Variants in COL25A1 observed in about 807,000 individuals in gnomAD.
The protein encoded by COL25A1 is collagen alpha-1(XXV) chain.
A neutral mutation model predicts 128.4 loss-of-function variants in COL25A1; 103 were observed. The observed-to-expected ratio is 0.80, with a 90% CI of 0.68 to 0.94. The LOEUF (loss-of-function observed/expected upper bound fraction) is 0.94. Among genes scored for constraint, COL25A1 ranks in the 40% least tolerant of loss-of-function variants. The probability of loss-of-function intolerance (pLI) is 0.00; values close to 1 mark genes in which losing one functional copy is unlikely to be tolerated. For missense variants in COL25A1, 745 were observed against 840.0 expected (o/e 0.89, Z 1.40); for synonymous variants, 279 against 277.2 (o/e 1.01, Z -0.06).
intron 3 of COL25A1, among the ~76,000 whole-genome samples, chr4:109,239,145 A>G (rs2126228900): frequency 6.6e-6 from 1 of 152,016 alleles, no homozygotes; most frequent in East Asian, 1.9e-4. Context: ...CTTTTGTTTA[A>G]TGATGGGGAT....
intron 11 of COL25A1, among the ~76,000 whole-genome samples, chr4:108,933,033 T>C (rs545171892): frequency 1.4e-3 from 206 of 152,360 alleles, no homozygotes; most frequent in Non-Finnish European, 1.6e-3. Context: ...AATAGATGCA[T>C]GGCAGGATTA....
intron 8 of COL25A1, among the ~76,000 whole-genome samples, chr4:108,958,171 G>A (rs1214668879): frequency 6.6e-6 from 1 of 151,854 alleles, no homozygotes; most frequent in Admixed American, 6.6e-5. Context: ...AAATAATACT[G>A]ACCCAAATCA....
intron 8 of COL25A1, among the ~76,000 whole-genome samples, chr4:108,960,970 C>T (rs1459124968): frequency 6.6e-6 from 1 of 152,030 alleles, no homozygotes; most frequent in Non-Finnish European, 1.5e-5. Context: ...TTTACATTCT[C>T]TTTAATCCTG....
intron 3 of COL25A1, among the ~76,000 whole-genome samples, chr4:109,051,616 T>TACACACACACACACAC (rs757614145): frequency 2.0e-4 from 23 of 112,428 alleles, no homozygotes; most frequent in South Asian, 1.2e-3. Context: ...CAAACACACA[T>TACACACACACACACAC]ACATACACAC....
chr4:109,278,317 G>C (rs1313800861), intron 3 of COL25A1, among the ~76,000 whole-genome samples: 1 of 152,066 alleles, frequency 6.6e-6, no homozygotes, highest in East Asian at 1.9e-4. Flanking sequence ...TATATCCTTT[G>C]TCTGGCATTC....
At chr4:109,244,803 A>C (rs965386313) in intron 3 of COL25A1, among the ~76,000 whole-genome samples, 1 of 152,182 alleles carries the variant, frequency 6.6e-6, no homozygotes, top group Non-Finnish European at 1.5e-5. Flanking sequence ...AAGGGCATGA[A>C]GCAAATCTTT....
At chr4:109,193,250 T>A (rs962389237) in intron 3 of COL25A1, among the ~76,000 whole-genome samples, 1 of 152,020 alleles carries the variant, frequency 6.6e-6, no homozygotes, top group African/African-American at 2.4e-5. Flanking sequence ...ACAGTAGCAA[T>A]TCAGCCAACT....
intron 3 of COL25A1, among the ~76,000 whole-genome samples, chr4:109,095,476 T>C (rs530850576): frequency 2.6e-5 from 4 of 152,324 alleles, no homozygotes; most frequent in South Asian, 2.1e-4. Context: ...CAGAAATGAA[T>C]AGGGACTGTG....
At chr4:108,836,496 A>G (rs1269634634) in intron 31 of COL25A1, among the ~76,000 whole-genome samples, 1 of 152,110 alleles carries the variant, frequency 6.6e-6, no homozygotes, top group Admixed American at 6.6e-5. Flanking sequence ...CATGAGTTAG[A>G]GATCAGCGTG....
chr4:109,158,683 A>C (rs1296819686), intron 3 of COL25A1, among the ~76,000 whole-genome samples: 1 of 152,236 alleles, frequency 6.6e-6, no homozygotes, highest in African/African-American at 2.4e-5. Flanking sequence ...AGCTATGTAC[A>C]TGGTACTGTG....
At chr4:109,235,918 C>T (rs1335536534) in intron 3 of COL25A1, among the ~76,000 whole-genome samples, 1 of 152,072 alleles carries the variant, frequency 6.6e-6, no homozygotes, top group East Asian at 1.9e-4. Flanking sequence ...GGGCAGTTAG[C>T]TCTAGGTGGA....
chr4:109,071,505 C>T (rs138012526), intron 3 of COL25A1, among the ~76,000 whole-genome samples: 17,562 of 152,086 alleles, frequency 0.12, 1,307 homozygotes, highest in African/African-American at 0.21. Context: ...TCAGAGTGAA[C>T]AGGCAACCTA....
chr4:109,152,276 G>A (rs1277634727), intron 3 of COL25A1, among the ~76,000 whole-genome samples: 1 of 152,146 alleles, frequency 6.6e-6, no homozygotes, highest in Non-Finnish European at 1.5e-5. Flanking sequence ...AATACAGTAA[G>A]TGGAGTTCAA....
At chr4:108,832,561 G>C (rs1044113110) in intron 31 of COL25A1, 128 bp from the exon 32 acceptor site, 5 of 610,188 alleles carry the variant, frequency 8.2e-6, no homozygotes, top group Non-Finnish European at 1.4e-5. Flanking sequence ...CTTTCAAAGT[G>C]CTTTATGCTT....
At position 108,889,240 on chromosome 4, in the gene COL25A1, G is replaced by T. The variant is rs1176768200; in HGVS notation, c.956C>A (p.Ser319Tyr). The change falls in exon 18 of 38, where the codon TCT becomes TAT. Residue 319 changes from serine (S) to tyrosine (Y), a missense_variant. This residue lies in a region of COL25A1 where 387 missense variants were observed against 441.9 expected (regional missense o/e 0.88). Coordinates refer to ENST00000399132, the MANE Select transcript of COL25A1 (RefSeq NM_198721.4). ...AAGIKGEPGE[S>Y]GRPGQKGEPG... ...TATTACCTTTTGCCCTGGACGACCA[G>T]ATTCCCCAGGTTCTCCCTGGCCAAA... 6.8e-6 allele frequency: 11 copies of T among 1,613,692 alleles called. No homozygotes were observed. The highest frequency in any genetic ancestry group is 8.5e-6 in the Non-Finnish European group (10 of 1,179,658).
intron 37 of COL25A1, 121 bp from the exon 38 acceptor site, chr4:108,814,050 G>C (rs983959256): frequency 4.0e-6 from 3 of 745,302 alleles, no homozygotes; most frequent in Non-Finnish European, 6.9e-6. Flanking sequence ...TAAGCCAACT[G>C]ACTGGCTATC....
chr4:109,208,742 A>G (rs1578442470), intron 3 of COL25A1, among the ~76,000 whole-genome samples: 1 of 152,312 alleles, frequency 6.6e-6, no homozygotes, highest in African/African-American at 2.4e-5. Flanking sequence ...TAACTTTCCT[A>G]TATCTTACCA....
At chr4:109,181,284 A>G (rs1386845690) in intron 3 of COL25A1, among the ~76,000 whole-genome samples, 1 of 152,142 alleles carries the variant, frequency 6.6e-6, no homozygotes, top group African/African-American at 2.4e-5. Flanking sequence ...ACTTACACGT[A>G]TCTTTTACAT....
chr4:109,237,124 C>T (rs1462666674), intron 3 of COL25A1, among the ~76,000 whole-genome samples: 2 of 152,018 alleles, frequency 1.3e-5, no homozygotes, highest in Non-Finnish European at 2.9e-5. Flanking sequence ...AGAGATAGCA[C>T]TTACAATATG....
Sources: gnomAD v4.1 joint callset for allele counts (sites outside exome capture counted in the v4.1 genomes callset) on GRCh38, gnomAD v4.1.1 for gene constraint, gnomAD v4.1.1 regional missense constraint, MANE v1.5 for transcripts, NCBI Gene and HGNC (gene_info 2026-07-23, HGNC 2026-07-21) for gene names.